The following PMPCB variants were observed in gnomAD, a reference collection of about 807,000 sequenced individuals.
PMPCB encodes peptidase, mitochondrial processing subunit beta.
A neutral mutation model predicts 61.5 loss-of-function variants in PMPCB; 46 were observed. That is an observed-to-expected ratio of 0.75 (90% confidence interval 0.59 to 0.96). PMPCB has a LOEUF of 0.96. Among genes scored for constraint, PMPCB ranks in the 40% least tolerant of loss-of-function variants. The pLI is 0.00. For missense variants in PMPCB, 590 were observed against 602.4 expected (o/e 0.98, Z 0.22); for synonymous variants, 191 against 201.6 (o/e 0.95, Z 0.44).
At chr7:103,334,731 G>A in the PMPCB span, among the ~76,000 whole-genome samples, 1 of 151,978 alleles carries the variant, frequency 6.6e-6, no homozygotes, top group Non-Finnish European at 1.5e-5. Context: ...TAACAGGGAT[G>A]AGCCACCATG....
the PMPCB span, chr7:103,341,924 C>G: frequency 6.2e-7 from 1 of 1,608,148 alleles, no homozygotes; most frequent in Non-Finnish European, 8.5e-7. Context: ...AAACCATCTT[C>G]CCACAGGTTC....
chr7:103,331,818 G>C (rs1209165764), downstream of PMPCB, among the ~76,000 whole-genome samples: 2 of 152,164 alleles, frequency 1.3e-5, no homozygotes, highest in African/African-American at 4.8e-5. Flanking sequence ...AAAAACATGG[G>C]AGTGCAGGTA....
the PMPCB span, among the ~76,000 whole-genome samples, chr7:103,342,176 T>G: frequency 6.6e-6 from 1 of 152,226 alleles, no homozygotes; most frequent in African/African-American, 2.4e-5. Flanking sequence ...CTCTTCCAGT[T>G]ATCTGACAAA....
chr7:103,337,494 C>T, the PMPCB span: 3 of 330,250 alleles, frequency 9.1e-6, no homozygotes, highest in Non-Finnish European at 1.1e-5. Context: ...ATTTTGTATC[C>T]ACACACACAC....
At chr7:103,334,978 C>T in the PMPCB span, among the ~76,000 whole-genome samples, 49 of 152,070 alleles carry the variant, frequency 3.2e-4, no homozygotes, top group Non-Finnish European at 1.2e-4. Context: ...GGATTACAGG[C>T]ATGCGTCTCC....
At position 103,322,193 on chromosome 7, in the gene PMPCB, T is replaced by C. The variant is rs959257494; in HGVS notation, c.*1432-6738T>C. The C allele has an allele frequency of 1.5e-5, 12 of 824,344 alleles. No individual in the cohort carries two copies. In the African/African-American group the frequency reaches 2.1e-4, roughly 14 times the overall value. 51.1% of individuals were successfully genotyped at this position (824,344 alleles called of 1,614,324 possible). A position where few individuals can be genotyped will look rare whatever the true frequency, so the allele number is the denominator to read the frequency against. On this transcript the variant is annotated intron_variant and NMD_transcript_variant, in intron 12 of 12. Coordinates refer to the PMPCB transcript ENST00000444457. ...AATTATATTAGGAAAAAAGGCAACA[T>C]AAACTTATTGAAAACTGAAGGATGA...
rs373672497 is a variant in PMPCB at position 103,308,903 on chromosome 7, T to G, written c.850-49T>G. 75 of 1,433,344 alleles carry G rather than the reference T, an allele frequency of 5.2e-5. No homozygotes were observed. The African/African-American group carries it at 9.6e-4, about 18-fold the overall frequency. The allele number at this position is 1,433,344 out of a possible 1,614,324, so 88.8% of individuals were successfully genotyped here. A position where few individuals can be genotyped will look rare whatever the true frequency, so the allele number is the denominator to read the frequency against. ...ATTTTTTCCTTGTTAATAAGCATGT[T>G]ATATAATGTTAATCTTAACTAGAGG... On this transcript the variant is annotated intron_variant, in intron 7 of 12. Transcript: ENST00000249269.
Position 103,303,868 on chromosome 7 carries a change from C to G in PMPCB, c.484C>G (p.Gln162Glu). ...TGTAGAAATTCTTGCTGATATAATA[C>G]AAAACAGCACATTGGGAGAAGCAGA... ...RAVEILADIIQNSTLGEAEIE... is the reference protein window; with the variant it reads ...RAVEILADIIENSTLGEAEIE... The change falls in exon 5 of 13, where the codon CAA becomes GAA. Residue 162 changes from glutamine to glutamate, a missense_variant. By Grantham distance (29) the Gln-to-Glu change is conservative (BLOSUM62 2). Transcript: ENST00000249269. The G allele has an allele frequency of 6.2e-7, 1 of 1,612,410 alleles. No individual in the cohort carries two copies. Among genetic ancestry groups the G allele is most frequent in the Non-Finnish European group, 8.5e-7 (1 of 1,178,876 alleles).
chr7:103,299,738 T>C (rs1233606924), intron 3 of PMPCB, among the ~76,000 whole-genome samples: 1 of 152,210 alleles, frequency 6.6e-6, no homozygotes, highest in African/African-American at 2.4e-5. Flanking sequence ...TCTGAACGTA[T>C]ACCATTTCTG....
intron 6 of PMPCB, among the ~76,000 whole-genome samples, chr7:103,307,175 G>A (rs1157364661): frequency 6.6e-6 from 1 of 151,888 alleles, no homozygotes; most frequent in Non-Finnish European, 1.5e-5. Context: ...TTATAGGCGT[G>A]AGCCACCATG....
chr7:103,332,472 C>T (rs912123749), downstream of PMPCB, among the ~76,000 whole-genome samples: 2 of 152,074 alleles, frequency 1.3e-5, no homozygotes, highest in African/African-American at 2.4e-5. Context: ...TATGATTAAC[C>T]GATTCTCCAA....
chr7:103,302,766 G>A (rs576543947), intron 4 of PMPCB, among the ~76,000 whole-genome samples: 1 of 152,218 alleles, frequency 6.6e-6, no homozygotes, highest in South Asian at 2.1e-4. Context: ...AACCAGACAC[G>A]GTAGTACATG....
downstream of PMPCB, among the ~76,000 whole-genome samples, chr7:103,331,409 ATTG>A (rs1185329399): frequency 6.6e-6 from 1 of 152,222 alleles, no homozygotes; most frequent in Non-Finnish European, 1.5e-5. Flanking sequence ...ACAATACATC[ATTG>A]TTAACTATCA....
chr7:103,317,501 G>C (rs1390384285), downstream of PMPCB, among the ~76,000 whole-genome samples: 2 of 152,006 alleles, frequency 1.3e-5, no homozygotes, highest in Non-Finnish European at 2.9e-5. Flanking sequence ...ACCTTTATTT[G>C]CCCTTGTTGC....
rs1184530332 is a variant in PMPCB at position 103,312,753 on chromosome 7, T to C, written c.*482T>C. 18 of 1,530,970 alleles carry C rather than the reference T, an allele frequency of 1.2e-5. No homozygotes were observed. Among genetic ancestry groups the C allele is most frequent in the East Asian group, 6.8e-5 (3 of 44,008 alleles). 94.8% of individuals were successfully genotyped at this position (1,530,970 alleles called of 1,614,324 possible). The stretch of plus-strand genomic sequence containing the variant: ...CAACTAAGATAGATAGTACTAAATA[T>C]ACTGATTTCATTATCTGCCAGGGCC... On this transcript the variant is annotated 3_prime_UTR_variant, in exon 13 of 13. Transcript: ENST00000249269.
chr7:103,310,491 TTAAG>T lies in PMPCB; in HGVS notation c.1154+20_1154+23del, dbSNP rs748954141. 5.7e-6 allele frequency: 9 copies of T among 1,571,160 alleles called. No individual in the cohort carries two copies. In the East Asian group the frequency reaches 6.8e-5, roughly 12 times the overall value. On this transcript the variant is annotated intron_variant, in intron 9 of 12. Transcript: ENST00000249269. ...AAAAAGAATGGTGAGAAAAATAGCT[TTAAG>T]TAATTTAAATTTTGCCTTTAATTCG...
the PMPCB span, chr7:103,335,992 A>C: frequency 2.6e-5 from 4 of 152,216 alleles, no homozygotes; most frequent in African/African-American, 9.7e-5. Flanking sequence ...ACATGGTGAA[A>C]TCCCGTCTCT....
At chr7:103,327,839 A>G in intron 12 of PMPCB, 2 of 747,190 alleles carry the variant, frequency 2.7e-6, no homozygotes, top group Non-Finnish European at 4.4e-6. Flanking sequence ...TTCTAAAATC[A>G]TAAGGCTAAT....
chr7:103,311,748 TTC>T lies in PMPCB; in HGVS notation c.1240+22_1240+23del, dbSNP rs766731797. ...TTGATGGTAAAAATAAAGATATAGG[TTC>T]TGTTTTCATATGGTTGATCTGTATT... is the stretch of plus-strand genomic sequence containing the variant. On this transcript the variant is annotated intron_variant, in intron 10 of 12. Transcript: ENST00000249269. The T allele has an allele frequency of 1.4e-5, 23 of 1,607,806 alleles. No individual in the cohort carries two copies. In the South Asian group the frequency reaches 2.2e-4, roughly 15 times the overall value.
Sources: gnomAD v4.1 joint callset for allele counts (sites outside exome capture counted in the v4.1 genomes callset) on GRCh38, gnomAD v4.1.1 for gene constraint, MANE v1.5 for transcripts, NCBI Gene and HGNC (gene_info 2026-07-23, HGNC 2026-07-21) for gene names.